The following PCDH9 variants were observed in gnomAD, a reference collection of about 807,000 sequenced individuals.
The protein encoded by PCDH9 is protocadherin 9.
In PCDH9, 24 loss-of-function variants were observed where a neutral mutation model predicts 70.6. The ratio of observed to expected loss-of-function variants is 0.34; its 90% CI spans 0.25 to 0.48. PCDH9 has a LOEUF of 0.48. Ranked by LOEUF, PCDH9 falls within the 20% of genes least tolerant of loss-of-function variation. The pLI, the probability that PCDH9 is intolerant of heterozygous loss-of-function variation, is 0.99. For missense variants in PCDH9, 1,281 were observed against 1,503.6 expected (o/e 0.85, Z 2.45); for synonymous variants, 562 against 558.5 (o/e 1.01, Z -0.09).
rs56404521 is a variant in PCDH9, at chr13:67,056,582, G to A, written c.3037-152977C>T. ...ACAAAATGTAAACTGAAGGGCCCAT[G>A]TTCTGAAGTTATAACCCCTTTGTTC... is the stretch of plus-strand genomic sequence containing the variant. On this transcript the variant is annotated intron_variant, in intron 2 of 4. Transcript: ENST00000377865. Among the ~76,000 whole-genome samples, 739 of 152,230 alleles carry A rather than the reference G, an allele frequency of 4.9e-3. 4 individuals carry two copies. The highest frequency in any genetic ancestry group is 0.016 in the African/African-American group (684 of 41,556).
At chr13:66,613,953 T>C (rs901687179) in intron 4 of PCDH9, among the ~76,000 whole-genome samples, 1 of 152,338 alleles carries the variant, frequency 6.6e-6, no homozygotes, top group Non-Finnish European at 1.5e-5. Flanking sequence ...AACTGCTTTT[T>C]AGGTTTTGAG....
chr13:66,498,424 C>T, intron 4 of PCDH9, among the ~76,000 whole-genome samples: 1 of 151,766 alleles, frequency 6.6e-6, no homozygotes. Flanking sequence ...AGTCTAATGC[C>T]CTATTTCCCA....
intron 2 of PCDH9, among the ~76,000 whole-genome samples, chr13:67,141,995 A>G (rs1340305382): frequency 6.6e-6 from 1 of 152,176 alleles, no homozygotes; most frequent in Non-Finnish European, 1.5e-5. Flanking sequence ...ATAAAATTAT[A>G]TATGACTACC....
intron 4 of PCDH9, among the ~76,000 whole-genome samples, chr13:66,397,863 G>C (rs931670343): frequency 6.6e-5 from 10 of 151,792 alleles, no homozygotes; most frequent in Non-Finnish European, 1.3e-4. Flanking sequence ...TTGGTGTGAA[G>C]TAACTGTTAT....
chr13:66,523,760 A>G (rs1193752511), intron 4 of PCDH9, among the ~76,000 whole-genome samples: 5 of 152,048 alleles, frequency 3.3e-5, no homozygotes, highest in Non-Finnish European at 7.4e-5. Flanking sequence ...ATTATCACAT[A>G]GAAGATAACT....
intron 3 of PCDH9, among the ~76,000 whole-genome samples, chr13:66,667,357 C>T (rs2078110006): frequency 6.6e-6 from 1 of 152,168 alleles, no homozygotes; most frequent in South Asian, 2.1e-4. Flanking sequence ...TTTTATAAAA[C>T]ATCCATAGTA....
At chr13:66,530,866 T>A (rs1960420119) in intron 4 of PCDH9, among the ~76,000 whole-genome samples, 1 of 152,062 alleles carries the variant, frequency 6.6e-6, no homozygotes, top group African/African-American at 2.4e-5. Flanking sequence ...CTTTCAGTTT[T>A]TTGAAGCATT....
At chr13:66,667,438 T>C (rs573892648) in intron 3 of PCDH9, among the ~76,000 whole-genome samples, 34 of 152,208 alleles carry the variant, frequency 2.2e-4, no homozygotes, top group African/African-American at 7.0e-4. Context: ...TCCTTATTTT[T>C]TTTCTCTCAG....
chr13:67,223,458 A>G (rs1044795243), intron 2 of PCDH9: 3 of 152,172 alleles, frequency 2.0e-5, no homozygotes, highest in African/African-American at 7.2e-5. Flanking sequence ...AGTTTAAGTC[A>G]TATTAGTTTC....
intron 2 of PCDH9, chr13:67,214,678 T>C (rs1319904555): frequency 1.3e-5 from 2 of 151,960 alleles, no homozygotes; most frequent in Non-Finnish European, 2.9e-5. Flanking sequence ...TATATTGAGA[T>C]ACTGTTATGA....
At chr13:67,166,472 G>A (rs1427686147) in intron 2 of PCDH9, among the ~76,000 whole-genome samples, 1 of 152,096 alleles carries the variant, frequency 6.6e-6, no homozygotes, top group Non-Finnish European at 1.5e-5. Context: ...ACAAAATGAG[G>A]ATATTTGAGA....
intron 4 of PCDH9, among the ~76,000 whole-genome samples, chr13:66,314,277 G>C (rs1189952708): frequency 2.6e-5 from 4 of 152,176 alleles, no homozygotes; most frequent in Admixed American, 6.5e-5. Flanking sequence ...GCTTCATCTT[G>C]TATTAGAGTT....
intron 2 of PCDH9, among the ~76,000 whole-genome samples, chr13:67,035,059 A>T (rs1304079520): frequency 6.6e-6 from 1 of 152,136 alleles, no homozygotes; most frequent in Admixed American, 6.5e-5. Context: ...TGCTTAAAGA[A>T]AAGGAAAAGA....
intron 3 of PCDH9, among the ~76,000 whole-genome samples, chr13:66,851,591 AC>A: frequency 1.3e-5 from 2 of 151,854 alleles, no homozygotes; most frequent in Middle Eastern, 6.8e-3. Context: ...ACACACACAC[AC>A]ACACACACAC....
At chr13:66,376,160 T>G (rs1237428247) in intron 4 of PCDH9, among the ~76,000 whole-genome samples, 21 of 152,102 alleles carry the variant, frequency 1.4e-4, no homozygotes, top group Admixed American at 1.4e-3. Context: ...TGAGAGAACC[T>G]AGCACCTTAA....
At chr13:66,480,418 G>A (rs1294792757) in intron 4 of PCDH9, among the ~76,000 whole-genome samples, 1 of 152,192 alleles carries the variant, frequency 6.6e-6, no homozygotes, top group African/African-American at 2.4e-5. Context: ...CATAAACTAT[G>A]TTGAAATAAC....
chr13:66,433,311 A>G (rs915595906), intron 4 of PCDH9, among the ~76,000 whole-genome samples: 3 of 151,954 alleles, frequency 2.0e-5, no homozygotes, highest in Admixed American at 2.0e-4. Flanking sequence ...TAGGATTACA[A>G]ACCAATTAAT....
At chr13:66,399,507 T>A (rs1426973592) in intron 4 of PCDH9, among the ~76,000 whole-genome samples, 1 of 152,104 alleles carries the variant, frequency 6.6e-6, no homozygotes, top group Admixed American at 6.6e-5. Context: ...TGATACTTGT[T>A]TGGAATTAGA....
At chr13:66,332,822 G>GTATATA (rs148772791) in intron 4 of PCDH9, among the ~76,000 whole-genome samples, 2 of 147,830 alleles carry the variant, frequency 1.4e-5, no homozygotes, top group African/African-American at 5.0e-5. Flanking sequence ...ATATATATAT[G>GTATATA]TATATATATA....
Sources: allele counts gnomAD v4.1 joint callset (sites outside exome capture counted in the v4.1 genomes callset), GRCh38; gene constraint gnomAD v4.1.1; transcripts MANE v1.5; gene names NCBI Gene and HGNC (gene_info 2026-07-23, HGNC 2026-07-21).